XRCC1: variants seen among roughly 807,000 people sequenced by gnomAD.
XRCC1 encodes the protein DNA repair protein XRCC1.
In XRCC1, 52 loss-of-function variants were observed where a neutral mutation model predicts 83.3. The observed-to-expected ratio is 0.62, with a 90% CI of 0.50 to 0.79. XRCC1 has a LOEUF of 0.79. Ranked by LOEUF, XRCC1 falls within the 30% of genes least tolerant of loss-of-function variation. The probability of loss-of-function intolerance (pLI) is 0.00; values close to 1 mark genes in which losing one functional copy is unlikely to be tolerated. For missense variants in XRCC1, 793 were observed against 823.5 expected, an observed-to-expected ratio of 0.96 and a Z score of 0.45; for synonymous variants, 281 against 312.6, an observed-to-expected ratio of 0.90 and a Z score of 1.07.
chr19:43,545,046 C>G (rs892323282), intron 14 of XRCC1, among the ~76,000 whole-genome samples: 2 of 152,164 alleles, frequency 1.3e-5, no homozygotes, highest in Admixed American at 1.3e-4. Context: ...CTTTCTTGTT[C>G]TGACCTTTGG....
At chr19:43,575,354 C>G in intron 1 of XRCC1, 54 bp downstream of exon 1, 1 of 1,543,294 alleles carries the variant, frequency 6.5e-7, no homozygotes, top group Non-Finnish European at 8.8e-7. Flanking sequence ...CTTTTAAGAG[C>G]TATCCTCATT....
chr19:43,560,879 AG>A, intron 3 of XRCC1, 30 bp downstream of exon 3: 1 of 1,551,498 alleles, frequency 6.4e-7, no homozygotes, highest in South Asian at 1.1e-5. Context: ...GGCAGAGGTC[AG>A]TATGGGATCC....
In XRCC1 at chr19:43,553,615, C is replaced by T. The variant is rs149187925; in HGVS notation, c.483G>A (p.Pro161=). The part of the protein sequence containing the change: ...SPPDKDEAEA[P]SQKVTVTKLG... Reference sequence around the variant, plus strand: ...AGTGACAGGTACAGCTTACCTGGGACGGGGCCTCTGCCTCATCTTTGTCTG... The same window carrying T: ...AGTGACAGGTACAGCTTACCTGGGATGGGGCCTCTGCCTCATCTTTGTCTG... Residue 161 remains proline (P), a synonymous_variant, in exon 5 of 17, where the codon CCG becomes CCA. Transcript: ENST00000262887. 524 of 1,587,138 alleles carry T rather than the reference C, an allele frequency of 3.3e-4. 2 individuals carry two copies. The African/African-American group carries it at 4.9e-3, about 15-fold the overall frequency.
chr19:43,567,163 A>C (rs945413489), intron 2 of XRCC1, among the ~76,000 whole-genome samples: 2 of 151,964 alleles, frequency 1.3e-5, no homozygotes, highest in Non-Finnish European at 2.9e-5. Context: ...AACATTGGGG[A>C]GAGAATAAGA....
chr19:43,561,089 T>G, intron 2 of XRCC1, 69 bp from the exon 3 acceptor site: 1 of 1,245,474 alleles, frequency 8.0e-7, no homozygotes, highest in Non-Finnish European at 1.2e-6. Flanking sequence ...GACCTCAGGA[T>G]GAATCTCCTT....
At chr19:43,556,181 C>A (rs952528386) in intron 3 of XRCC1, among the ~76,000 whole-genome samples, 1 of 152,148 alleles carries the variant, frequency 6.6e-6, no homozygotes, top group Non-Finnish European at 1.5e-5. Flanking sequence ...AGCCACCACA[C>A]CCAGCTAGAA....
intron 10 of XRCC1, 47 bp from the exon 11 acceptor site, chr19:43,547,024 G>GCCTCA: frequency 6.3e-7 from 1 of 1,588,012 alleles, no homozygotes; most frequent in South Asian, 1.1e-5. Context: ...AGGGAAGTGG[G>GCCTCA]GAGGGCGTTC....
chr19:43,552,274 C>A lies in XRCC1; in HGVS notation c.825G>T (p.Leu275Phe). The change falls in exon 9 of 17, where the codon TTG (leucine) becomes TTT (phenylalanine). Residue 275 changes from leucine (L) to phenylalanine (F), a missense_variant and splice_region_variant. Leu to Phe is a conservative substitution (Grantham distance 22). Transcript: ENST00000262887. ...LSPSVPKRPK[L>F]PAPTRTPATA... ...TGGCTGGGGTACGAGTTGGAGCTGG[C>A]ACTGGAGAAGACAAAGAGTAGATTA... 1 of 1,594,438 alleles carries A rather than the reference C, an allele frequency of 6.3e-7. No homozygotes were observed. The highest frequency in any genetic ancestry group is 8.5e-7 in the Non-Finnish European group (1 of 1,171,130).
chr19:43,554,917 G>A, intron 3 of XRCC1, 113 bp from the exon 4 acceptor site: 1 of 1,244,024 alleles, frequency 8.0e-7, no homozygotes, highest in South Asian at 1.5e-5. Flanking sequence ...GGAGTCACTA[G>A]AATGTAGCTT....
chr19:43,573,789 C>T (rs1049280354), intron 2 of XRCC1, among the ~76,000 whole-genome samples: 4 of 152,090 alleles, frequency 2.6e-5, no homozygotes, highest in Admixed American at 6.6e-5. Context: ...GTGGGAGGAT[C>T]GCTTGAGCCC....
chr19:43,549,446 A>G (rs937384845), intron 10 of XRCC1, among the ~76,000 whole-genome samples: 1 of 152,146 alleles, frequency 6.6e-6, no homozygotes, highest in East Asian at 1.9e-4. Context: ...TTTTTGGTAC[A>G]GATGGGGTTT....
At chr19:43,550,685 C>G (rs1314242618) in intron 10 of XRCC1, among the ~76,000 whole-genome samples, 1 of 152,184 alleles carries the variant, frequency 6.6e-6, no homozygotes, top group Non-Finnish European at 1.5e-5. Flanking sequence ...CCACTTCTTG[C>G]CCCTGTGTAA....
In XRCC1 at chr19:43,548,785, A is replaced by C. The variant is rs1045785265; in HGVS notation, c.1200-1808T>G. Among the ~76,000 whole-genome samples, 42 of 142,460 alleles carry C rather than the reference A, an allele frequency of 2.9e-4. 1 individual carries two copies. The highest frequency in any genetic ancestry group is 4.1e-4 in the Non-Finnish European group (27 of 65,896). 93.5% of individuals were successfully genotyped at this position (142,460 alleles called of 152,430 possible). On this transcript the variant is annotated intron_variant, in intron 10 of 16. Coordinates refer to ENST00000262887, the MANE Select transcript of XRCC1 (RefSeq NM_006297.3). ...AATGATCAAAAAAAAAAAAAAAAAA[A>C]ACACAACAGTAGCAGGTTGACACTT...
Position 43,545,826 on chromosome 19 carries a change from T to C in XRCC1, c.1613A>G (p.Glu538Gly). Reference protein sequence around the residue: ...HQEPPDLPVPELPDFFQGKHF... With the variant: ...HQEPPDLPVPGLPDFFQGKHF... ...ATGGGGGGATTTCCCACCTGGGAGC[T>C]CAGGGACTGGCAGATCAGGAGGCTC... Residue 538 changes from glutamate (E) to glycine (G), a missense_variant, in exon 14 of 17, where the codon GAG (glutamate) becomes GGG (glycine). By Grantham distance (98) the Glu-to-Gly change is moderately conservative (BLOSUM62 -2). Coordinates refer to ENST00000262887, the MANE Select transcript of XRCC1 (RefSeq NM_006297.3). 1 of 1,613,644 alleles carries C rather than the reference T, an allele frequency of 6.2e-7. No individual in the cohort carries two copies. Among genetic ancestry groups the C allele is most frequent in the Non-Finnish European group, 8.5e-7 (1 of 1,179,764 alleles).
intron 10 of XRCC1, among the ~76,000 whole-genome samples, chr19:43,547,719 C>T (rs1164503841): frequency 6.6e-6 from 1 of 152,006 alleles, no homozygotes; most frequent in Non-Finnish European, 1.5e-5. Context: ...AGGATGGTCT[C>T]GAACTCCTGA....
chr19:43,557,792 CAAAAAAAAAAAAAA>C (rs35267441), intron 3 of XRCC1, among the ~76,000 whole-genome samples: 1,904 of 41,100 alleles, frequency 0.046, 49 homozygotes, highest in African/African-American at 0.14. Context: ...AATTCCATCT[CAAAAAAAAAAAAAA>C]AAAAAAAAAA....
At chr19:43,555,565 G>C (rs1307324614) in intron 3 of XRCC1, 1 of 152,180 alleles carries the variant, frequency 6.6e-6, no homozygotes, top group Admixed American at 6.6e-5. Flanking sequence ...GCAGCCGGTG[G>C]GGGAGGAAGC....
intron 2 of XRCC1, among the ~76,000 whole-genome samples, chr19:43,566,257 G>T (rs987423693): frequency 6.7e-6 from 1 of 150,352 alleles, no homozygotes; most frequent in East Asian, 2.0e-4. Context: ...AAGTGGCCAG[G>T]CACGGTGGCT....
intron 2 of XRCC1, among the ~76,000 whole-genome samples, chr19:43,568,538 AAAT>A (rs1434329516): frequency 2.3e-4 from 35 of 152,226 alleles, no homozygotes; most frequent in African/African-American, 8.4e-4. Context: ...ATAAATAAAT[AAAT>A]AAGGTAGAAC....
Sources: gnomAD v4.1 joint callset for allele counts (sites outside exome capture counted in the v4.1 genomes callset) on GRCh38, gnomAD v4.1.1 for gene constraint, MANE v1.5 for transcripts, NCBI Gene and HGNC (gene_info 2026-07-23, HGNC 2026-07-21) for gene names.